The following UGT1A9 variants were observed in gnomAD, a reference collection of about 807,000 sequenced individuals.
UGT1A9 encodes the protein UDP glucuronosyltransferase family 1 member A9.
In UGT1A9, 35 loss-of-function variants were observed where a neutral mutation model predicts 45.0. That is an observed-to-expected ratio of 0.78 (90% confidence interval 0.59 to 1.03). The LOEUF (loss-of-function observed/expected upper bound fraction) is 1.03. Among genes scored for constraint, UGT1A9 ranks in the 50% least tolerant of loss-of-function variants. UGT1A9 has a pLI of 0.00. For missense variants in UGT1A9, 687 were observed against 666.6 expected (o/e 1.03, Z -0.34); for synonymous variants, 278 against 250.6 (o/e 1.11, Z -1.03).
At chr2:233,747,739 T>G in intron 1 of UGT1A9, 1 of 1,613,426 alleles carries the variant, frequency 6.2e-7, no homozygotes, top group African/African-American at 1.3e-5. Context: ...TTGAGGAACA[T>G]TCCATGTGAT....
At chr2:233,729,586 G>A (rs138085546) in intron 1 of UGT1A9, 599 of 1,614,044 alleles carry the variant, frequency 3.7e-4, no homozygotes, top group Non-Finnish European at 4.5e-4. Context: ...AACAGACCCC[G>A]TTAACCTCTG....
rs994298046 is a variant in UGT1A9 at position 233,760,365 on chromosome 2, T to C, written c.856-6669T>C. On this transcript the variant is annotated intron_variant, in intron 1 of 4. Transcript: ENST00000354728. Reference sequence around the variant, plus strand: ...GTGTGCTGGGCCCAGTGGTGTCCCATGCTGGGAAGATACTGTTGATCCCAG... The same window carrying C: ...GTGTGCTGGGCCCAGTGGTGTCCCACGCTGGGAAGATACTGTTGATCCCAG... 21 of 1,614,004 alleles carry C rather than the reference T, an allele frequency of 1.3e-5. No individual in the cohort carries two copies. Among genetic ancestry groups the C allele is most frequent in the Non-Finnish European group, 1.7e-5 (20 of 1,180,006 alleles).
intron 1 of UGT1A9, among the ~76,000 whole-genome samples, chr2:233,703,760 T>C (rs973851910): frequency 1.3e-5 from 2 of 152,206 alleles, no homozygotes; most frequent in African/African-American, 2.4e-5. Flanking sequence ...ATGTATCTTC[T>C]GCAGACAAGA....
At chr2:233,734,492 T>A (rs983580734) in intron 1 of UGT1A9, among the ~76,000 whole-genome samples, 3 of 151,188 alleles carry the variant, frequency 2.0e-5, no homozygotes, top group Non-Finnish European at 4.5e-5. Flanking sequence ...TTTTTGAAGG[T>A]TTTTTTGTGT....
At chr2:233,714,555 A>G (rs28899184) in intron 1 of UGT1A9, among the ~76,000 whole-genome samples, 1 of 152,254 alleles carries the variant, frequency 6.6e-6, no homozygotes, top group Non-Finnish European at 1.5e-5. Context: ...TCCAATAGAA[A>G]TATCATGTAA....
chr2:233,685,998 TC>T (rs1193956822), intron 1 of UGT1A9, among the ~76,000 whole-genome samples: 1 of 152,170 alleles, frequency 6.6e-6, no homozygotes, highest in Non-Finnish European at 1.5e-5. Flanking sequence ...ATCCTGTACA[TC>T]CTTTGCCTTG....
At chr2:233,719,072 G>C (rs148007151) in intron 1 of UGT1A9, 2 of 1,614,284 alleles carry the variant, frequency 1.2e-6, no homozygotes, top group African/African-American at 2.7e-5. Flanking sequence ...CTGTTCCATG[G>C]ACCCAGAAGG....
intron 1 of UGT1A9, among the ~76,000 whole-genome samples, chr2:233,689,411 C>T (rs1415837333): frequency 6.6e-6 from 1 of 152,188 alleles, no homozygotes; most frequent in Admixed American, 6.5e-5. Flanking sequence ...GACCCAATCT[C>T]TCTAATGGCT....
intron 1 of UGT1A9, among the ~76,000 whole-genome samples, chr2:233,724,261 G>C (rs1182689801): frequency 8.1e-5 from 8 of 98,862 alleles, no homozygotes; most frequent in East Asian, 3.8e-4. Context: ...CTCACCTCCC[G>C]GACGGGGCGG....
At chr2:233,756,024 C>T (rs151069909) in intron 1 of UGT1A9, 1 of 152,170 alleles carries the variant, frequency 6.6e-6, no homozygotes, top group African/African-American at 2.4e-5. Flanking sequence ...ATTACACATC[C>T]CCCATGTAGC....
chr2:233,695,471 A>G (rs1297433816), intron 1 of UGT1A9, among the ~76,000 whole-genome samples: 1 of 151,084 alleles, frequency 6.6e-6, no homozygotes, highest in Non-Finnish European at 1.5e-5. Flanking sequence ...TTGGCCCTTT[A>G]GATGTTTTTC....
At chr2:233,679,919 A>G (rs572164677) in intron 1 of UGT1A9, among the ~76,000 whole-genome samples, 1 of 152,202 alleles carries the variant, frequency 6.6e-6, no homozygotes. Context: ...AATATGAGAC[A>G]AAAATGTATT....
Position 233,692,705 on chromosome 2 carries a change from A to G in UGT1A9, c.855+19916A>G, listed in dbSNP as rs557358228. On this transcript the variant is annotated intron_variant, in intron 1 of 4. Coordinates refer to ENST00000354728, the MANE Select transcript of UGT1A9 (RefSeq NM_021027.3). ...GGGTCCTCAGGGGTCTCTCCAAGTCATCTTCAAAGTGTTGCTATAACTTTT... is the reference window on the plus strand; with the variant it reads ...GGGTCCTCAGGGGTCTCTCCAAGTCGTCTTCAAAGTGTTGCTATAACTTTT... 462 of 440,436 alleles carry G rather than the reference A, an allele frequency of 1.0e-3. 2 individuals are homozygous for G. Among genetic ancestry groups the G allele is most frequent in the African/African-American group, 9.4e-3 (438 of 46,776 alleles). 27.3% of individuals were successfully genotyped at this position (440,436 alleles called of 1,614,324 possible).
At chr2:233,744,235 A>C (rs943816403) in intron 1 of UGT1A9, among the ~76,000 whole-genome samples, 3 of 151,766 alleles carry the variant, frequency 2.0e-5, no homozygotes, top group African/African-American at 4.9e-5. Flanking sequence ...GAGGGCCTTG[A>C]CTTTGGCTGC....
At chr2:233,696,804 T>C (rs1332294764) in intron 1 of UGT1A9, among the ~76,000 whole-genome samples, 3 of 152,228 alleles carry the variant, frequency 2.0e-5, no homozygotes, top group East Asian at 1.9e-4. Context: ...GTTCCTTCTG[T>C]AGCCAGTTTA....
At chr2:233,678,119 G>C (rs1170169023) in intron 1 of UGT1A9, among the ~76,000 whole-genome samples, 1 of 152,094 alleles carries the variant, frequency 6.6e-6, no homozygotes, top group Non-Finnish European at 1.5e-5. Context: ...TAAATAGTGG[G>C]TACTTTTGGG....
At chr2:233,752,054 T>C (rs778755699) in intron 1 of UGT1A9, among the ~76,000 whole-genome samples, 4 of 152,312 alleles carry the variant, frequency 2.6e-5, no homozygotes, top group South Asian at 4.2e-4. Flanking sequence ...GTGTGAATGA[T>C]TTCCCGAGAT....
At chr2:233,729,605 TGCTG>T (rs755451015) in intron 1 of UGT1A9, 6 of 1,614,008 alleles carry the variant, frequency 3.7e-6, no homozygotes, top group South Asian at 1.1e-5. Context: ...TGCGCGGCAG[TGCTG>T]GCTAAGTACC....
intron 1 of UGT1A9, among the ~76,000 whole-genome samples, chr2:233,716,848 A>G (rs28898605): frequency 0.1 from 15,748 of 152,134 alleles, 927 homozygotes; most frequent in East Asian, 0.2. Context: ...TTCAGCTACC[A>G]CATATGCTGA....
Sources: gnomAD v4.1 joint callset for allele counts (sites outside exome capture counted in the v4.1 genomes callset) on GRCh38, gnomAD v4.1.1 for gene constraint, MANE v1.5 for transcripts, NCBI Gene and HGNC (gene_info 2026-07-23, HGNC 2026-07-21) for gene names.